Variants in TBL1X observed in about 807,000 individuals in gnomAD.
TBL1X encodes transducin beta like 1 X-linked, also known as F-box-like/WD repeat-containing protein TBL1X.
In TBL1X, 10 loss-of-function variants were observed where a neutral mutation model predicts 50.7. The observed-to-expected ratio is 0.20, with a 90% CI of 0.12 to 0.33. The LOEUF (loss-of-function observed/expected upper bound fraction) is 0.33. TBL1X is among the 10% of genes least tolerant of loss of function. TBL1X has a pLI of 1.00. For synonymous variants in TBL1X, 190 were observed against 214.7 expected, an observed-to-expected ratio of 0.88 and a Z score of 1.01; for missense variants, 340 against 504.4, an observed-to-expected ratio of 0.67 and a Z score of 3.12.
chrX:9,706,877 C>T (rs1427392528), intron 13 of TBL1X, among the ~76,000 whole-genome samples: 1 of 111,265 alleles, frequency 9.0e-6, no homozygotes, highest in Non-Finnish European at 1.9e-5. Flanking sequence ...CAGCAGCTCT[C>T]GGTCCAAAAC....
rs539936580 is a variant in TBL1X, at chrX:9,607,836, G to A, written c.-130-32437G>A. On this transcript the variant is annotated intron_variant, in intron 2 of 17. Transcript: ENST00000645353. Reference sequence around the variant, plus strand: ...ATTTATTTATTTATTTATTTGAGATGAAGTCTTCACTCTGTCACCCAGGCT... The same window carrying A: ...ATTTATTTATTTATTTATTTGAGATAAAGTCTTCACTCTGTCACCCAGGCT... 3.1e-4 allele frequency among the ~76,000 whole-genome samples: 34 copies of A among 108,951 alleles called. 1 individual carries two copies. In the East Asian group the frequency reaches 6.6e-3, roughly 21 times the overall value. The allele number at this position is 108,951 out of a possible 115,157, so 94.6% of individuals were successfully genotyped here.
rs796965171 is a variant in TBL1X, at chrX:9,492,894, T to TGTGTGTGTGG, written c.-200-8882_-200-8881insGTGTGGGTGT. Reference sequence around the variant, plus strand: ...GTGTGTGTGTGTGTGTGTGTGTGTGTGTGTAGGGGAGGAAGGAATGGAAGG... The same window carrying TGTGTGTGTGG: ...GTGTGTGTGTGTGTGTGTGTGTGTGTGTGTGTGTGGGTGTAGGGGAGGAAGGAATGGAAGG... On this transcript the variant is annotated intron_variant, in intron 1 of 17. Transcript: ENST00000645353. Among the ~76,000 whole-genome samples, 64 of 24,184 alleles carry TGTGTGTGTGG rather than the reference T, an allele frequency of 2.6e-3. 1 individual carries two copies. Among genetic ancestry groups the TGTGTGTGTGG allele is most frequent in the East Asian group, 9.1e-3 (7 of 773 alleles). The allele number at this position is 24,184 out of a possible 115,157, so 21.0% of individuals were successfully genotyped here.
At chrX:9,615,829 G>A (rs2082636549) in intron 2 of TBL1X, among the ~76,000 whole-genome samples, 1 of 112,018 alleles carries the variant, frequency 8.9e-6, no homozygotes, top group Non-Finnish European at 1.9e-5. Context: ...GCACAGGGAA[G>A]GCCTTTGTCT....
intron 1 of TBL1X, among the ~76,000 whole-genome samples, chrX:9,491,336 A>ATTTTT (rs1256522168): frequency 4.3e-4 from 11 of 25,300 alleles, no homozygotes; most frequent in East Asian, 2.5e-3. Context: ...ATATATATAT[A>ATTTTT]TATTTTTTTT....
intron 2 of TBL1X, among the ~76,000 whole-genome samples, chrX:9,547,175 A>G: frequency 9.0e-6 from 1 of 111,276 alleles, no homozygotes; most frequent in Non-Finnish European, 1.9e-5. Context: ...ATTCTTTTAG[A>G]TACACAATGT....
At chrX:9,464,793 T>G (rs1342031100), upstream of TBL1X, among the ~76,000 whole-genome samples, 2 of 109,614 alleles carry the variant, frequency 1.8e-5, no homozygotes, top group Non-Finnish European at 3.8e-5. Context: ...ACCCTAGGCG[T>G]GGGGGAGCGG....
At chrX:9,471,498 C>T (rs1351480843) in intron 1 of TBL1X, among the ~76,000 whole-genome samples, 8 of 112,348 alleles carry the variant, frequency 7.1e-5, no homozygotes, top group Non-Finnish European at 3.8e-5. Flanking sequence ...TTTATGTTAA[C>T]TAAACATTGG....
intron 1 of TBL1X, among the ~76,000 whole-genome samples, chrX:9,479,937 A>AGTGTGTGTGTGTGTGT (rs1353868118): frequency 1.5e-3 from 57 of 37,904 alleles, no homozygotes; most frequent in African/African-American, 4.1e-3. Context: ...AGGAAAGTAG[A>AGTGTGTGTGTGTGTGT]ATGTGTGTGT....
intron 2 of TBL1X, among the ~76,000 whole-genome samples, chrX:9,565,046 G>C (rs759036535): frequency 9.1e-6 from 1 of 109,473 alleles, no homozygotes; most frequent in South Asian, 3.9e-4. Flanking sequence ...CGAGGCGGGC[G>C]GGTCACGAGG....
At chrX:9,485,396 T>C (rs1420807574) in intron 1 of TBL1X, among the ~76,000 whole-genome samples, 1 of 112,412 alleles carries the variant, frequency 8.9e-6, no homozygotes, top group East Asian at 2.8e-4. Context: ...TTTTGTGTAG[T>C]CGAACATGTC....
At chrX:9,503,558 C>T (rs2082011900) in intron 2 of TBL1X, among the ~76,000 whole-genome samples, 1 of 113,282 alleles carries the variant, frequency 8.8e-6, no homozygotes, top group South Asian at 3.5e-4. Context: ...GCACCCATTT[C>T]TGTAGCTACA....
rs182613439 is a variant in TBL1X at position 9,620,706 on chromosome X, G to A, written c.-130-19567G>A. 6.3e-5 allele frequency among the ~76,000 whole-genome samples: 7 copies of A among 111,942 alleles called. No individual in the cohort carries two copies. The East Asian group carries it at 2.0e-3, about 32-fold the overall frequency. ...GCCAGGCCAGCATGGTGGAGCGAGT[G>A]ACCAACAGAGCAGAGGTGTGCACGG... On this transcript the variant is annotated intron_variant, in intron 2 of 17. Coordinates refer to ENST00000645353, the MANE Select transcript of TBL1X (RefSeq NM_005647.4).
chrX:9,653,724 G>A, intron 4 of TBL1X, 35 bp downstream of exon 4: 2 of 1,136,139 alleles, frequency 1.8e-6, no homozygotes, highest in Non-Finnish European at 1.2e-6. Context: ...GGACCGTGTG[G>A]TCACTCTTTG....
intron 6 of TBL1X, among the ~76,000 whole-genome samples, chrX:9,686,118 C>A (rs1312844027): frequency 9.0e-6 from 1 of 111,404 alleles, no homozygotes; most frequent in Non-Finnish European, 1.9e-5. Flanking sequence ...TTTTCCCTGG[C>A]AAACCCCTTC....
At chrX:9,554,562 A>G in intron 2 of TBL1X, among the ~76,000 whole-genome samples, 1 of 112,426 alleles carries the variant, frequency 8.9e-6, no homozygotes, top group South Asian at 3.7e-4. Context: ...AAATACACTT[A>G]CTTAAAATCC....
intron 2 of TBL1X, among the ~76,000 whole-genome samples, chrX:9,633,707 A>G (rs916546180): frequency 8.9e-6 from 1 of 112,562 alleles, no homozygotes; most frequent in African/African-American, 3.2e-5. Flanking sequence ...ATTGGAGAAC[A>G]CATAGTCTTT....
At chrX:9,601,999 G>A (rs1273931312) in intron 2 of TBL1X, among the ~76,000 whole-genome samples, 1 of 112,043 alleles carries the variant, frequency 8.9e-6, no homozygotes, top group Non-Finnish European at 1.9e-5. Context: ...AGCCGAGATT[G>A]CGCCACTGCA....
chrX:9,649,602 G>A (rs2082822826), intron 3 of TBL1X, among the ~76,000 whole-genome samples: 1 of 111,706 alleles, frequency 9.0e-6, no homozygotes, highest in Admixed American at 9.5e-5. Context: ...CAAATTAGAG[G>A]AACAGATAAT....
In TBL1X at chrX:9,540,560, C is replaced by A. The variant is rs946503325; in HGVS notation, c.-131+38711C>A. Among the ~76,000 whole-genome samples the A allele has an allele frequency of 2.7e-5, 3 of 112,566 alleles. No individual in the cohort carries two copies. The South Asian group carries it at 1.1e-3, about 41-fold the overall frequency. On this transcript the variant is annotated intron_variant, in intron 2 of 17. Transcript: ENST00000645353. Reference sequence around the variant, plus strand: ...TTAAATTAAAAACTGTGCTTGTTAGCGCGGAGCTGGGACAACCGAGGGAAG... The same window carrying A: ...TTAAATTAAAAACTGTGCTTGTTAGAGCGGAGCTGGGACAACCGAGGGAAG...
Sources: gnomAD v4.1 joint callset for allele counts (sites outside exome capture counted in the v4.1 genomes callset) on GRCh38, gnomAD v4.1.1 for gene constraint, MANE v1.5 for transcripts, NCBI Gene and HGNC (gene_info 2026-07-23, HGNC 2026-07-21) for gene names.